GOLM1: variants seen among roughly 807,000 people sequenced by gnomAD.
The protein encoded by GOLM1 is epididymis luminal protein 46.
GOLM1 carries 31 observed loss-of-function variants against 50.5 expected under a neutral mutation model. That is an observed-to-expected ratio of 0.61 (90% CI 0.46 to 0.83). The LOEUF is 0.83. GOLM1 is among the 40% of genes least tolerant of loss of function. The pLI is 0.00. For missense variants in GOLM1, 491 were observed against 501.3 expected (o/e 0.98, Z 0.20); for synonymous variants, 178 against 192.8 (o/e 0.92, Z 0.64).
In GOLM1 at chr9:86,027,389, C is replaced by G. The variant is rs1277554984; in HGVS notation, c.*428G>C. The G allele has an allele frequency of 1.0e-6, 1 of 992,036 alleles. No individual in the cohort carries two copies. The highest frequency in any genetic ancestry group is 1.2e-6 in the Non-Finnish European group (1 of 834,530). 61.5% of individuals were successfully genotyped at this position (992,036 alleles called of 1,614,324 possible). A position where few individuals can be genotyped will look rare whatever the true frequency, so the allele number is the denominator to read the frequency against. ...AGTGAGAACAGGTAACAGGCTGGCA[C>G]CAGCACTTGGTACAGCACGTGGACA... On this transcript the variant is annotated 3_prime_UTR_variant, in exon 10 of 10. Coordinates refer to ENST00000388712, the MANE Select transcript of GOLM1 (RefSeq NM_016548.4).
intron 1 of GOLM1, among the ~76,000 whole-genome samples, chr9:86,090,807 A>C (rs912556930): frequency 1.3e-5 from 2 of 151,330 alleles, no homozygotes; most frequent in Non-Finnish European, 3.0e-5. Context: ...AAAAAAAAAA[A>C]AAAAAAACTC....
rs1422581367 is a variant in GOLM1, at chr9:86,027,108, C to G, written c.*709G>C. 1 of 984,594 alleles carries G rather than the reference C, an allele frequency of 1.0e-6. No homozygotes were observed. The highest frequency in any genetic ancestry group is 1.2e-6 in the Non-Finnish European group (1 of 829,928). 61.0% of individuals were successfully genotyped at this position (984,594 alleles called of 1,614,324 possible). ...TAGGGAAGATGTTGCTTTGCCCACA[C>G]ACGAAGCAAAGTAAATAAAGACCAC... is the stretch of plus-strand genomic sequence containing the variant. On this transcript the variant is annotated 3_prime_UTR_variant, in exon 10 of 10. Transcript: ENST00000388712.
intron 3 of GOLM1, among the ~76,000 whole-genome samples, chr9:86,059,899 C>CAAAAAA (rs139699884): frequency 5.7e-5 from 3 of 52,452 alleles, no homozygotes; most frequent in East Asian, 5.3e-4. Flanking sequence ...GAGTCTATCT[C>CAAAAAA]AAAAAAAAAA....
intron 9 of GOLM1, among the ~76,000 whole-genome samples, chr9:86,031,800 CAT>C (rs1187700265): frequency 6.6e-6 from 1 of 151,644 alleles, no homozygotes; most frequent in Non-Finnish European, 1.5e-5. Context: ...TAACAAATAA[CAT>C]AAAAATGAAT....
intron 3 of GOLM1, among the ~76,000 whole-genome samples, chr9:86,059,385 C>A (rs1330859028): frequency 6.6e-6 from 1 of 152,228 alleles, no homozygotes; most frequent in Non-Finnish European, 1.5e-5. Context: ...ATTACCGACA[C>A]ATGCTACAAC....
chr9:86,040,596 A>C, intron 6 of GOLM1, 143 bp downstream of exon 6: 1 of 700,858 alleles, frequency 1.4e-6, no homozygotes, highest in Non-Finnish European at 2.4e-6. Flanking sequence ...TCCCAGTACC[A>C]GGTTCTGCTC....
At chr9:86,037,671 T>C (rs754692844) in intron 6 of GOLM1, among the ~76,000 whole-genome samples, 16 of 151,736 alleles carry the variant, frequency 1.1e-4, no homozygotes, top group African/African-American at 2.9e-4. Flanking sequence ...CTTGGATCCA[T>C]AGGAGAGGTG....
intron 1 of GOLM1, among the ~76,000 whole-genome samples, chr9:86,092,326 C>G (rs7854012): frequency 0.24 from 36,309 of 152,080 alleles, 7,298 homozygotes; most frequent in African/African-American, 0.53. Context: ...GCATGTTTTC[C>G]TTCCATAACC....
At chr9:86,060,167 G>A (rs1834114670) in intron 3 of GOLM1, among the ~76,000 whole-genome samples, 1 of 151,982 alleles carries the variant, frequency 6.6e-6, no homozygotes, top group African/African-American at 2.4e-5. Context: ...CTCAATCTTT[G>A]CACTCCAGCA....
At chr9:86,040,634 AAAG>A (rs1833311259) in intron 6 of GOLM1, 102 bp downstream of exon 6, 2 of 1,092,278 alleles carry the variant, frequency 1.8e-6, no homozygotes, top group Non-Finnish European at 2.7e-6. Flanking sequence ...CCAAGCCCGC[AAAG>A]GAGGGCAGAA....
chr9:86,070,699 T>C (rs965282007), intron 3 of GOLM1, among the ~76,000 whole-genome samples: 1 of 152,206 alleles, frequency 6.6e-6, no homozygotes, highest in African/African-American at 2.4e-5. Context: ...CAGTAAGTAC[T>C]GGTACATGGA....
chr9:86,039,826 G>C (rs1406999083), intron 6 of GOLM1, among the ~76,000 whole-genome samples: 1 of 152,094 alleles, frequency 6.6e-6, no homozygotes, highest in Non-Finnish European at 1.5e-5. Context: ...AAATTAGCCA[G>C]GTGTGGTGGT....
rs1833315516 is a variant in GOLM1, at chr9:86,040,719, G to A, written c.597+20C>T. 1.2e-6 allele frequency: 2 copies of A among 1,603,556 alleles called. No homozygotes were observed. Among genetic ancestry groups the A allele is most frequent in the Non-Finnish European group, 1.7e-6 (2 of 1,176,716 alleles). ...ATAGGGGTACCTTCTAGAAACTCTT[G>A]GCAAAAATTCCCCAGTTACCTGCTG... On this transcript the variant is annotated intron_variant, in intron 6 of 9. Coordinates refer to ENST00000388712, the MANE Select transcript of GOLM1 (RefSeq NM_016548.4).
Position 86,077,540 on chromosome 9 carries a change from C to T in GOLM1, c.181G>A (p.Gly61Ser), listed in dbSNP as rs1169721152. 2.5e-6 allele frequency: 4 copies of T among 1,613,670 alleles called. No homozygotes were observed. Among genetic ancestry groups the T allele is most frequent in the Non-Finnish European group, 3.4e-6 (4 of 1,179,644 alleles). The change falls in exon 3 of 10, where the codon GGC (glycine) becomes AGC (serine). Residue 61 changes from glycine (G) to serine (S), a missense_variant. Gly to Ser is a moderately conservative substitution (Grantham distance 56). Coordinates refer to ENST00000388712, the MANE Select transcript of GOLM1 (RefSeq NM_016548.4). The part of the protein sequence containing the change: ...GRVRRAAAER[G>S]AVELKKNEFQ... ...TCGTTCTTCTTCAGCTCCACGGCGCCTCTCTCTGCAGCCGCCCTGCGGACC... is the reference window on the plus strand; with the variant it reads ...TCGTTCTTCTTCAGCTCCACGGCGCTTCTCTCTGCAGCCGCCCTGCGGACC...
chr9:86,099,476 T>G lies in GOLM1; in HGVS notation c.-87A>C, dbSNP rs979615414. ...CCCGCTACGAGGCCGCCCGGGTCGC[T>G]CTCCCGCCGCCGCCGGCCTCGAGCT... On this transcript the variant is annotated 5_prime_UTR_variant, in exon 1 of 10. Coordinates refer to ENST00000388712, the MANE Select transcript of GOLM1 (RefSeq NM_016548.4). The G allele has an allele frequency of 6.6e-6, 1 of 150,492 alleles. No homozygotes were observed. The highest frequency in any genetic ancestry group is 2.1e-4 in the South Asian group (1 of 4,822). The allele number at this position is 150,492 out of a possible 1,614,324, so 9.3% of individuals were successfully genotyped here. A position where few individuals can be genotyped will look rare whatever the true frequency, so the allele number is the denominator to read the frequency against.
At chr9:86,039,060 T>C in intron 6 of GOLM1, among the ~76,000 whole-genome samples, 1 of 152,322 alleles carries the variant, frequency 6.6e-6, no homozygotes, top group South Asian at 2.1e-4. Context: ...CATTATCATA[T>C]ATCTTTAATA....
rs1832782823 is a variant in GOLM1, at chr9:86,026,348, A to C, written c.*1469T>G. 1 of 985,148 alleles carries C rather than the reference A, an allele frequency of 1.0e-6. No individual in the cohort carries two copies. Among genetic ancestry groups the C allele is most frequent in the African/African-American group, 1.7e-5 (1 of 57,340 alleles). 61.0% of individuals were successfully genotyped at this position (985,148 alleles called of 1,614,324 possible). A position where few individuals can be genotyped will look rare whatever the true frequency, so the allele number is the denominator to read the frequency against. On this transcript the variant is annotated 3_prime_UTR_variant, in exon 10 of 10. Coordinates refer to ENST00000388712, the MANE Select transcript of GOLM1 (RefSeq NM_016548.4). ...TTGCCTTTTCTGGGTGGGAAAGTTT[A>C]ACCTTAGTGACTAAGGACATCACAT...
At chr9:86,028,347 A>G (rs756602924) in intron 9 of GOLM1, among the ~76,000 whole-genome samples, 1 of 152,196 alleles carries the variant, frequency 6.6e-6, no homozygotes, top group Non-Finnish European at 1.5e-5. Flanking sequence ...TTGATGGTGG[A>G]ACGATTCGGA....
At chr9:86,084,386 A>T (rs1834883518) in intron 1 of GOLM1, among the ~76,000 whole-genome samples, 1 of 152,164 alleles carries the variant, frequency 6.6e-6, no homozygotes, top group Non-Finnish European at 1.5e-5. Context: ...CATCGACATC[A>T]CATACCCCCT....
Sources: gnomAD v4.1 joint callset for allele counts (sites outside exome capture counted in the v4.1 genomes callset) on GRCh38, gnomAD v4.1.1 for gene constraint, MANE v1.5 for transcripts, NCBI Gene and HGNC (gene_info 2026-07-23, HGNC 2026-07-21) for gene names.